ASPRV1: variants seen among roughly 807,000 people sequenced by gnomAD.
The protein encoded by ASPRV1 is aspartic peptidase retroviral like 1.
Under a neutral mutation model 11.0 loss-of-function variants are expected in ASPRV1, and 7 were observed. The ratio of observed to expected loss-of-function variants is 0.64; its 90% confidence interval spans 0.36 to 1.20. The LOEUF is 1.20. ASPRV1 is among the 50% of genes most tolerant of loss of function. The pLI is 0.02. For missense variants in ASPRV1, 299 were observed against 320.0 expected (o/e 0.93, Z 0.50); for synonymous variants, 136 against 138.4 (o/e 0.98, Z 0.12).
At chr2:70,034,737 A>AT in the ASPRV1 span, among the ~76,000 whole-genome samples, 1 of 152,204 alleles carries the variant, frequency 6.6e-6, no homozygotes, top group Non-Finnish European at 1.5e-5. Context: ...CCAAGGCAGG[A>AT]TGTGGCGGTT....
At chr2:69,971,631 C>G in the ASPRV1 span, among the ~76,000 whole-genome samples, 1 of 152,212 alleles carries the variant, frequency 6.6e-6, no homozygotes, top group African/African-American at 2.4e-5. Flanking sequence ...ATTCAACAGA[C>G]AGTGCGGGGT....
At chr2:70,019,857 G>A in the ASPRV1 span, among the ~76,000 whole-genome samples, 2 of 152,172 alleles carry the variant, frequency 1.3e-5, no homozygotes, top group Non-Finnish European at 2.9e-5. Context: ...GCTGACTACA[G>A]TTAGTAACAA....
chr2:69,999,655 C>CAAAAAAA, the ASPRV1 span, among the ~76,000 whole-genome samples: 1 of 54,010 alleles, frequency 1.9e-5, no homozygotes, highest in African/African-American at 6.1e-5. Flanking sequence ...GACTCTGTCT[C>CAAAAAAA]AAAAAAAAAA....
chr2:70,012,134 C>T, the ASPRV1 span: 4 of 150,676 alleles, frequency 2.7e-5, no homozygotes, highest in Non-Finnish European at 5.9e-5. Flanking sequence ...AGACCCTTCC[C>T]GGGGGATCCA....
At chr2:70,072,992 T>C in the ASPRV1 span, 2 of 151,246 alleles carry the variant, frequency 1.3e-5, no homozygotes, top group Non-Finnish European at 2.9e-5. Context: ...GGATCGCTTG[T>C]GCCAGGGAGG....
At chr2:70,055,332 C>T in the ASPRV1 span, among the ~76,000 whole-genome samples, 14 of 151,970 alleles carry the variant, frequency 9.2e-5, no homozygotes, top group South Asian at 1.2e-3. Context: ...GACACGCACA[C>T]GTATGTTTAT....
chr2:69,971,690 G>A, the ASPRV1 span, among the ~76,000 whole-genome samples: 2 of 152,238 alleles, frequency 1.3e-5, no homozygotes, highest in Admixed American at 1.3e-4. Flanking sequence ...GAGATGTGAG[G>A]CGGCTTTGCC....
chr2:70,084,540 C>G, the ASPRV1 span, among the ~76,000 whole-genome samples: 1 of 152,200 alleles, frequency 6.6e-6, no homozygotes, highest in Admixed American at 6.5e-5. Flanking sequence ...CTAATATCAC[C>G]ACCCATTTCA....
chr2:69,982,036 TATCCATCC>T, the ASPRV1 span, among the ~76,000 whole-genome samples: 44,808 of 148,930 alleles, frequency 0.3, 7,031 homozygotes, highest in African/African-American at 0.34. Context: ...CCCTCTCATC[TATCCATCC>T]ATCCATCCAT....
the ASPRV1 span, among the ~76,000 whole-genome samples, chr2:69,981,651 G>A: frequency 5.9e-5 from 9 of 152,294 alleles, no homozygotes; most frequent in South Asian, 6.2e-4. Flanking sequence ...CCGCCTCCCG[G>A]GTTCGAGCAA....
chr2:69,979,521 G>A, the ASPRV1 span, among the ~76,000 whole-genome samples: 1 of 152,210 alleles, frequency 6.6e-6, no homozygotes, highest in African/African-American at 2.4e-5. Flanking sequence ...CCCTCTGGGA[G>A]GGGCAGGACA....
chr2:69,980,376 T>G, the ASPRV1 span, among the ~76,000 whole-genome samples: 1 of 152,274 alleles, frequency 6.6e-6, no homozygotes, highest in African/African-American at 2.4e-5. Flanking sequence ...TTGCTATTTC[T>G]CTTTTAAGTT....
the ASPRV1 span, among the ~76,000 whole-genome samples, chr2:69,977,085 G>A: frequency 2.6e-5 from 4 of 151,998 alleles, no homozygotes; most frequent in Admixed American, 2.6e-4. Context: ...CCAGCTACTC[G>A]GGAGGCTGAG....
the ASPRV1 span, among the ~76,000 whole-genome samples, chr2:70,039,079 C>CA: frequency 0.082 from 5,433 of 65,860 alleles, 188 homozygotes; most frequent in African/African-American, 0.16. Flanking sequence ...AACTCCATCT[C>CA]AAAAAAAAAA....
chr2:69,964,638 T>C (rs969792839), upstream of ASPRV1: 13 of 235,414 alleles, frequency 5.5e-5, no homozygotes, highest in Non-Finnish European at 1.0e-4. Flanking sequence ...AGTATAGGTA[T>C]TGGGGCGGGA....
chr2:70,030,758 C>G, the ASPRV1 span: 7 of 151,982 alleles, frequency 4.6e-5, no homozygotes, highest in Non-Finnish European at 7.4e-5. Flanking sequence ...GTATAAGATA[C>G]AGAGGGGACA....
chr2:70,081,647 G>C, the ASPRV1 span, among the ~76,000 whole-genome samples: 27 of 151,942 alleles, frequency 1.8e-4, no homozygotes, highest in African/African-American at 6.5e-4. Context: ...GCAGTGACGC[G>C]ATCATGGCTC....
At chr2:69,957,789 G>T (rs1453482682), downstream of ASPRV1, among the ~76,000 whole-genome samples, 4 of 152,030 alleles carry the variant, frequency 2.6e-5, no homozygotes, top group Non-Finnish European at 5.9e-5. Context: ...CTGCACTTTG[G>T]GACCACTGGA....
chr2:69,977,763 C>T, the ASPRV1 span, among the ~76,000 whole-genome samples: 1 of 152,192 alleles, frequency 6.6e-6, no homozygotes, highest in Non-Finnish European at 1.5e-5. Context: ...CATTTCCCCA[C>T]TAGTTCAATG....
Sources: allele counts gnomAD v4.1 joint callset (sites outside exome capture counted in the v4.1 genomes callset), GRCh38; gene constraint gnomAD v4.1.1; transcripts MANE v1.5; gene names NCBI Gene and HGNC (gene_info 2026-07-23, HGNC 2026-07-21).